ZBTB24: variants seen among roughly 807,000 people sequenced by gnomAD.
The protein encoded by ZBTB24 is zinc finger and BTB domain-containing protein 24.
A neutral mutation model predicts 53.8 loss-of-function variants in ZBTB24; 32 were observed. That is an observed-to-expected ratio of 0.60 (90% CI 0.45 to 0.80). The LOEUF (loss-of-function observed/expected upper bound fraction) is 0.80. ZBTB24 is among the 30% of genes least tolerant of loss of function. The probability of loss-of-function intolerance (pLI) is 0.00; values close to 1 mark genes in which losing one functional copy is unlikely to be tolerated. For synonymous variants in ZBTB24, 297 were observed against 306.7 expected, an observed-to-expected ratio of 0.97 and a Z score of 0.33; for missense variants, 722 against 837.1, an observed-to-expected ratio of 0.86 and a Z score of 1.70.
At chr6:109,482,083 G>A (rs903975045) in intron 1 of ZBTB24, 29 bp from the exon 2 acceptor site, 29 of 1,509,500 alleles carry the variant, frequency 1.9e-5, no homozygotes, top group Non-Finnish European at 2.6e-5. Context: ...GTTTAAAAAG[G>A]AGAAAGCACT....
intron 5 of ZBTB24, among the ~76,000 whole-genome samples, chr6:109,473,599 A>G (rs1776214244): frequency 6.6e-6 from 1 of 152,172 alleles, no homozygotes; most frequent in Admixed American, 6.5e-5. Context: ...AATGTGTTAT[A>G]TACTTGTCTG....
At chr6:109,475,606 AT>A in intron 4 of ZBTB24, 124 bp from the exon 5 acceptor site, 2 of 1,163,592 alleles carry the variant, frequency 1.7e-6, no homozygotes, top group South Asian at 2.6e-5. Context: ...AACCACAAAA[AT>A]TTTTTCATTA....
intron 5 of ZBTB24, among the ~76,000 whole-genome samples, chr6:109,469,752 G>A (rs1200536991): frequency 3.9e-5 from 6 of 152,214 alleles, no homozygotes; most frequent in East Asian, 3.8e-4. Context: ...AACGAGTGGC[G>A]TCAACAATTC....
At chr6:109,471,954 A>G (rs1283501956) in intron 5 of ZBTB24, among the ~76,000 whole-genome samples, 1 of 151,298 alleles carries the variant, frequency 6.6e-6, no homozygotes, top group Non-Finnish European at 1.5e-5. Flanking sequence ...AAATGTGTTC[A>G]CCTCCCTCAC....
chr6:109,479,007 C>T (rs554776180), intron 2 of ZBTB24, among the ~76,000 whole-genome samples: 2 of 152,020 alleles, frequency 1.3e-5, no homozygotes, highest in East Asian at 3.9e-4. Flanking sequence ...CCTCAAAGGG[C>T]TGAAAAACAA....
rs1485903309 is a variant in ZBTB24, at chr6:109,481,284, G to C, written c.743C>G (p.Ala248Gly). ...NYDPKTEDGQ[A>G]SQSRYSKRRI... ...CCGCTTGCTGTATCGACTCTGGCTT[G>C]CCTGGCCATCCTCGGTCTTGGGATC... The change falls in exon 2 of 7, where the codon GCA (alanine) becomes GGA (glycine). Residue 248 changes from alanine (A) to glycine (G), a missense_variant. By Grantham distance (60) the Ala-to-Gly change is moderately conservative. Coordinates refer to ENST00000230122, the MANE Select transcript of ZBTB24 (RefSeq NM_014797.3). The C allele has an allele frequency of 1.9e-6, 3 of 1,614,168 alleles. No homozygotes were observed. The highest frequency in any genetic ancestry group is 2.5e-6 in the Non-Finnish European group (3 of 1,180,032).
At chr6:109,469,585 T>C (rs76910464) in intron 5 of ZBTB24, among the ~76,000 whole-genome samples, 2,748 of 152,286 alleles carry the variant, frequency 0.018, 93 homozygotes, top group African/African-American at 0.063. Flanking sequence ...CCACCTTCAA[T>C]GGAGACACCC....
intron 5 of ZBTB24, among the ~76,000 whole-genome samples, chr6:109,471,387 A>T (rs535914923): frequency 6.7e-6 from 1 of 149,880 alleles, no homozygotes; most frequent in African/African-American, 2.5e-5. Context: ...AGATGGGAAG[A>T]CCCCCAGGTC....
chr6:109,474,002 T>C (rs531400864), intron 5 of ZBTB24, among the ~76,000 whole-genome samples: 2 of 150,394 alleles, frequency 1.3e-5, no homozygotes, highest in African/African-American at 2.5e-5. Flanking sequence ...AGCAGGAGAA[T>C]TGCTTGAACC....
intron 2 of ZBTB24, among the ~76,000 whole-genome samples, chr6:109,480,237 G>A (rs1244369960): frequency 1.3e-5 from 2 of 152,142 alleles, no homozygotes; most frequent in African/African-American, 4.8e-5. Flanking sequence ...TTACAATTAA[G>A]TTGAGGGATA....
At chr6:109,470,599 A>G (rs967609835) in intron 5 of ZBTB24, among the ~76,000 whole-genome samples, 1 of 151,924 alleles carries the variant, frequency 6.6e-6, no homozygotes. Context: ...TCACAGTGAC[A>G]CCTCCCATTC....
At chr6:109,476,345 C>T (rs1776278472) in intron 3 of ZBTB24, 87 bp from the exon 4 acceptor site, 1 of 1,357,960 alleles carries the variant, frequency 7.4e-7, no homozygotes, top group Non-Finnish European at 1.0e-6. Flanking sequence ...ACAGTGGGTC[C>T]AGGTCCCCAT....
chr6:109,482,694 T>C (rs1048847241), intron 1 of ZBTB24, among the ~76,000 whole-genome samples: 3 of 152,034 alleles, frequency 2.0e-5, no homozygotes, highest in Admixed American at 6.5e-5. Flanking sequence ...AATGAAGGAA[T>C]GGGATTAACC....
At chr6:109,468,304 T>A (rs981697874) in intron 5 of ZBTB24, among the ~76,000 whole-genome samples, 4 of 152,104 alleles carry the variant, frequency 2.6e-5, no homozygotes, top group Non-Finnish European at 5.9e-5. Context: ...AGAGTGAGCC[T>A]TGATGCAGTC....
chr6:109,464,469 C>T lies in ZBTB24; in HGVS notation c.*1382G>A, dbSNP rs1000131103. The T allele has an allele frequency of 6.6e-6, 1 of 152,116 alleles. No homozygotes were observed. Among genetic ancestry groups the T allele is most frequent in the African/African-American group, 2.4e-5 (1 of 41,418 alleles). The allele number at this position is 152,116 out of a possible 1,614,324, so 9.4% of individuals were successfully genotyped here. ...CATTGTTAATTTAGATATACTAGTG[C>T]CCACCTTCTTTTCTCAAAAATCCCC... On this transcript the variant is annotated 3_prime_UTR_variant, in exon 7 of 7. Coordinates refer to ENST00000230122, the MANE Select transcript of ZBTB24 (RefSeq NM_014797.3).
At chr6:109,470,316 A>G (rs1279057768) in intron 5 of ZBTB24, among the ~76,000 whole-genome samples, 9 of 151,854 alleles carry the variant, frequency 5.9e-5, no homozygotes, top group African/African-American at 1.9e-4. Flanking sequence ...TACTACACCA[A>G]TCCCACCCAC....
chr6:109,473,306 T>C (rs1362274043), intron 5 of ZBTB24, among the ~76,000 whole-genome samples: 1 of 152,118 alleles, frequency 6.6e-6, no homozygotes, highest in Non-Finnish European at 1.5e-5. Flanking sequence ...CTCCCAGCTC[T>C]CTGGCTGCCT....
At position 109,464,070 on chromosome 6, in the gene ZBTB24, T is replaced by G. The variant is rs1244992550; in HGVS notation, c.*1781A>C. ...ATGTGGATTGGTGGGCTTTGAAAAG[T>G]TGGTAAAAACTTTGTGTTTTAAGAA... On this transcript the variant is annotated 3_prime_UTR_variant, in exon 7 of 7. Transcript: ENST00000230122. The G allele has an allele frequency of 6.6e-6, 1 of 152,176 alleles. No individual in the cohort carries two copies. The highest frequency in any genetic ancestry group is 6.5e-5 in the Admixed American group (1 of 15,278). The allele number at this position is 152,176 out of a possible 1,614,324, so 9.4% of individuals were successfully genotyped here.
At chr6:109,477,264 T>C (rs1448765078) in intron 2 of ZBTB24, among the ~76,000 whole-genome samples, 1 of 152,176 alleles carries the variant, frequency 6.6e-6, no homozygotes. Flanking sequence ...GCCTCCTGAG[T>C]AGCTGGGATC....
Sources: gnomAD v4.1 joint callset for allele counts (sites outside exome capture counted in the v4.1 genomes callset) on GRCh38, gnomAD v4.1.1 for gene constraint, MANE v1.5 for transcripts, NCBI Gene and HGNC (gene_info 2026-07-23, HGNC 2026-07-21) for gene names.